The following EPB41L1 variants were observed in gnomAD, a reference collection of about 807,000 sequenced individuals.
EPB41L1 encodes the protein band 4.1-like protein 1.
EPB41L1 carries 29 observed loss-of-function variants against 97.8 expected under a neutral mutation model. The ratio of observed to expected loss-of-function variants is 0.30; its 90% confidence interval spans 0.22 to 0.40. EPB41L1 has a LOEUF of 0.40. EPB41L1 is among the 10% of genes least tolerant of loss of function. The pLI, the probability that EPB41L1 is intolerant of heterozygous loss-of-function variation, is 1.00. For missense variants in EPB41L1, 812 were observed against 1,162.3 expected (o/e 0.70, Z 4.38); for synonymous variants, 383 against 459.2 (o/e 0.83, Z 2.12).
chr20:36,113,673 A>T (rs2058494437), intron 2 of EPB41L1: 1 of 152,548 alleles, frequency 6.6e-6, no homozygotes, highest in Non-Finnish European at 1.5e-5. Context: ...CATCGGGAAC[A>T]AGGAATCCTC....
intron 1 of EPB41L1, among the ~76,000 whole-genome samples, chr20:36,111,551 C>T (rs1351432875): frequency 2.0e-5 from 3 of 152,024 alleles, no homozygotes; most frequent in South Asian, 2.1e-4. Flanking sequence ...TTTGGGAGGC[C>T]GAGGTGGGTG....
At chr20:36,175,793 C>G in intron 3 of EPB41L1, 78 bp downstream of exon 3, 1 of 1,521,664 alleles carries the variant, frequency 6.6e-7, no homozygotes, top group Non-Finnish European at 9.0e-7. Flanking sequence ...TGTGTGTACC[C>G]AGCTTGGGCC....
chr20:36,141,841 C>T (rs1433118894), intron 2 of EPB41L1, among the ~76,000 whole-genome samples: 1 of 152,138 alleles, frequency 6.6e-6, no homozygotes, highest in Non-Finnish European at 1.5e-5. Context: ...GGCACGGTGG[C>T]TCACGCCTAT....
At chr20:36,178,811 C>T (rs2061357891) in intron 5 of EPB41L1, 139 bp downstream of exon 5, 2 of 946,270 alleles carry the variant, frequency 2.1e-6, no homozygotes, top group African/African-American at 1.6e-5. Context: ...AATCCCAACA[C>T]TTTGCGAGGC....
intron 11 of EPB41L1, among the ~76,000 whole-genome samples, chr20:36,191,512 C>T (rs1013855930): frequency 9.2e-5 from 14 of 152,044 alleles, no homozygotes; most frequent in African/African-American, 2.4e-4. Flanking sequence ...TAAGCAAGCA[C>T]GAAAATTCCC....
chr20:36,210,687 G>A lies in EPB41L1; in HGVS notation c.2079+789G>A, dbSNP rs544674651. 7.2e-4 allele frequency among the ~76,000 whole-genome samples: 109 copies of A among 152,064 alleles called. 1 individual carries two copies. The highest frequency in any genetic ancestry group is 2.6e-3 in the African/African-American group (108 of 41,452). ...ACCAAGTTCAAATGTCAGTTTCCTA[G>A]CAGGGGTTTGCTTTCCTGACCACCC... On this transcript the variant is annotated intron_variant, in intron 15 of 21. Coordinates refer to ENST00000338074, the MANE Select transcript of EPB41L1 (RefSeq NM_012156.2).
chr20:36,125,461 G>A, intron 2 of EPB41L1: 1 of 1,040,382 alleles, frequency 9.6e-7, no homozygotes. Context: ...TCTTGGGGAG[G>A]ATCAATGAGG....
At chr20:36,193,478 T>C (rs2062049695) in intron 11 of EPB41L1, among the ~76,000 whole-genome samples, 1 of 152,188 alleles carries the variant, frequency 6.6e-6, no homozygotes, top group East Asian at 1.9e-4. Flanking sequence ...TAAACCCGTG[T>C]TTTTCAGCCT....
intron 1 of EPB41L1, among the ~76,000 whole-genome samples, chr20:36,160,538 C>T (rs1403627991): frequency 2.0e-5 from 3 of 151,186 alleles, no homozygotes; most frequent in South Asian, 2.1e-4. Context: ...GGCAGTGAGC[C>T]GAGATTGCGC....
chr20:36,123,679 A>C lies in EPB41L1; in HGVS notation c.-10+11199A>C, dbSNP rs73618569. Among the ~76,000 whole-genome samples, 1,463 of 152,224 alleles carry C rather than the reference A, an allele frequency of 9.6e-3. 79 individuals carry two copies. Among genetic ancestry groups the C allele is most frequent in the Admixed American group, 0.076 (1,168 of 15,292 alleles). ...ACACCTGACCTCAGGTGATCCACCC[A>C]CCTTGGCTTCCCAAAGTGCTTGGAT... On this transcript the variant is annotated intron_variant, in intron 2 of 19. Transcript: ENST00000202028.
chr20:36,166,264 C>T (rs963227189), intron 1 of EPB41L1, among the ~76,000 whole-genome samples: 1 of 152,234 alleles, frequency 6.6e-6, no homozygotes, highest in Non-Finnish European at 1.5e-5. Flanking sequence ...TGTTTACTAG[C>T]TGTGTGACCT....
intron 1 of EPB41L1, among the ~76,000 whole-genome samples, chr20:36,157,838 G>C (rs927385588): frequency 1.2e-4 from 19 of 152,342 alleles, no homozygotes; most frequent in African/African-American, 4.3e-4. Context: ...AGGCCACAGT[G>C]GGGACTGGGC....
At chr20:36,109,987 C>T (rs1158601236) in intron 1 of EPB41L1, 2 of 150,842 alleles carry the variant, frequency 1.3e-5, no homozygotes, top group African/African-American at 4.9e-5. Flanking sequence ...TGTTGCCCAG[C>T]CTGGAGTGCA....
In EPB41L1 at chr20:36,209,833, T is replaced by G; in HGVS notation, c.2014T>G (p.Ser672Ala). The G allele has an allele frequency of 1.2e-6, 2 of 1,613,644 alleles. No homozygotes were observed. The highest frequency in any genetic ancestry group is 1.7e-6 in the Non-Finnish European group (2 of 1,179,962). Residue 672 changes from serine to alanine, a missense_variant, in exon 15 of 22, where the codon TCT (serine) becomes GCT (alanine). Coordinates refer to ENST00000338074, the MANE Select transcript of EPB41L1 (RefSeq NM_012156.2). The surrounding 1 kb of genome is among the most constrained non-coding windows in gnomAD (Gnocchi z 4.2). ...NKGAPSQDDE[S>A]GGIEDSPDRG... ...GGGGGCCCCCAGCCAGGATGATGAG[T>G]CTGGGGGCATTGAGGACAGCCCGGA...
intron 17 of EPB41L1, among the ~76,000 whole-genome samples, chr20:36,215,045 G>A (rs938382799): frequency 2.0e-5 from 3 of 149,868 alleles, no homozygotes; most frequent in African/African-American, 4.9e-5. Context: ...AAGAGACCCC[G>A]GCAACACTAG....
Position 36,163,188 on chromosome 20 carries a change from A to G in EPB41L1, c.-15+8292A>G, listed in dbSNP as rs774065127. ...TCTTTTCTGACTCCGAAAGTAATAC[A>G]TGCTCATAGTAGAAAATTGAAAAAT... On this transcript the variant is annotated intron_variant, in intron 1 of 21. Coordinates refer to ENST00000338074, the MANE Select transcript of EPB41L1 (RefSeq NM_012156.2). Among the ~76,000 whole-genome samples the G allele has an allele frequency of 1.4e-4, 21 of 150,900 alleles. 1 individual carries two copies. The South Asian group carries it at 1.9e-3, about 13-fold the overall frequency.
chr20:36,211,935 G>A (rs537205895), intron 15 of EPB41L1, among the ~76,000 whole-genome samples: 1 of 152,302 alleles, frequency 6.6e-6, no homozygotes, highest in South Asian at 2.1e-4. Context: ...TGTACACAAG[G>A]AAAACACTTA....
chr20:36,166,915 G>C (rs1173225811), intron 1 of EPB41L1, among the ~76,000 whole-genome samples: 1 of 152,130 alleles, frequency 6.6e-6, no homozygotes, highest in Non-Finnish European at 1.5e-5. Context: ...CTTGCTTAAT[G>C]GATTCGAAGT....
At chr20:36,170,152 T>A (rs1034957307) in intron 1 of EPB41L1, among the ~76,000 whole-genome samples, 3 of 152,252 alleles carry the variant, frequency 2.0e-5, no homozygotes, top group Admixed American at 6.5e-5. Context: ...TTTTTTTTTT[T>A]AAAGATGTTA....
Sources: gnomAD v4.1 joint callset for allele counts (sites outside exome capture counted in the v4.1 genomes callset) on GRCh38, gnomAD v4.1.1 for gene constraint, Gnocchi (gnomAD v3.1) non-coding constraint, MANE v1.5 for transcripts, NCBI Gene and HGNC (gene_info 2026-07-23, HGNC 2026-07-21) for gene names.